Variants in TERB1 observed in about 807,000 individuals in gnomAD.
TERB1 encodes telomere repeat binding bouquet formation protein 1, also known as telomere repeats-binding bouquet formation protein 1.
In TERB1, 63 loss-of-function variants were observed where a neutral mutation model predicts 92.3. The ratio of observed to expected loss-of-function variants is 0.68; its 90% CI spans 0.56 to 0.84. The LOEUF is 0.84. Among genes scored for constraint, TERB1 ranks in the 40% least tolerant of loss-of-function variants. The probability of loss-of-function intolerance (pLI) is 0.00; values close to 1 mark genes in which losing one functional copy is unlikely to be tolerated. For missense variants in TERB1, 709 were observed against 843.7 expected, an observed-to-expected ratio of 0.84 and a Z score of 1.98; for synonymous variants, 252 against 283.9, an observed-to-expected ratio of 0.89 and a Z score of 1.13.
At chr16:66,757,071 T>TA (rs993967383) in intron 18 of TERB1, among the ~76,000 whole-genome samples, 2 of 151,986 alleles carry the variant, frequency 1.3e-5, no homozygotes, top group African/African-American at 2.4e-5. Context: ...GTGAGTATCC[T>TA]AAAAAAAGGT....
intron 9 of TERB1, among the ~76,000 whole-genome samples, chr16:66,781,721 C>T (rs1447056514): frequency 6.6e-6 from 1 of 151,966 alleles, no homozygotes; most frequent in Non-Finnish European, 1.5e-5. Context: ...GGGGTTTCAC[C>T]GTGTTAGCCA....
At chr16:66,794,754 C>CA (rs1343059255) in intron 3 of TERB1, among the ~76,000 whole-genome samples, 1 of 151,850 alleles carries the variant, frequency 6.6e-6, no homozygotes, top group Non-Finnish European at 1.5e-5. Flanking sequence ...ACTAAAAATA[C>CA]AAAAAATTAG....
chr16:66,754,788 C>A lies in TERB1; in HGVS notation c.*188G>T, dbSNP rs1295545106. 1.7e-6 allele frequency: 1 copy of A among 588,654 alleles called. No individual in the cohort carries two copies. Among genetic ancestry groups the A allele is most frequent in the East Asian group, 2.9e-5 (1 of 35,040 alleles). 36.5% of individuals were successfully genotyped at this position (588,654 alleles called of 1,614,324 possible). A position where few individuals can be genotyped will look rare whatever the true frequency, so the allele number is the denominator to read the frequency against. ...AGGAATTTTCTTACTAATCTGTACA[C>A]TGATGATATATTTGCTTTATAAATC... On this transcript the variant is annotated 3_prime_UTR_variant, in exon 19 of 19. Coordinates refer to ENST00000433154, the MANE Select transcript of TERB1 (RefSeq NM_001136505.2).
At chr16:66,785,341 C>A (rs1212794656) in intron 9 of TERB1, among the ~76,000 whole-genome samples, 4 of 152,114 alleles carry the variant, frequency 2.6e-5, no homozygotes, top group Admixed American at 6.6e-5. Flanking sequence ...CCATGCCTGG[C>A]CTAATGTTGT....
chr16:66,758,616 C>A, intron 18 of TERB1, 157 bp downstream of exon 18: 3 of 526,072 alleles, frequency 5.7e-6, no homozygotes, highest in Non-Finnish European at 6.7e-6. Context: ...TGGCACATGT[C>A]TGTAATCCCA....
chr16:66,781,899 C>T lies in TERB1; in HGVS notation c.701-2884G>A, dbSNP rs529991446. 4.6e-5 allele frequency among the ~76,000 whole-genome samples: 7 copies of T among 152,222 alleles called. No homozygotes were observed. In the South Asian group the frequency reaches 1.0e-3, roughly 23 times the overall value. The stretch of plus-strand genomic sequence containing the variant: ...CTTTCATCCTCATAGCAAGCTCTTC[C>T]GAAGAGCAAAATTATTTCAATGGAG... On this transcript the variant is annotated intron_variant, in intron 9 of 18. Coordinates refer to ENST00000433154, the MANE Select transcript of TERB1 (RefSeq NM_001136505.2).
In TERB1 at chr16:66,774,451, C is replaced by G. The variant is rs568132020; in HGVS notation, c.1111+667G>C. 1.4e-4 allele frequency among the ~76,000 whole-genome samples: 21 copies of G among 152,252 alleles called. No individual in the cohort carries two copies. In the East Asian group the frequency reaches 3.7e-3, roughly 27 times the overall value. On this transcript the variant is annotated intron_variant, in intron 12 of 18. Coordinates refer to ENST00000433154, the MANE Select transcript of TERB1 (RefSeq NM_001136505.2). Reference sequence around the variant, plus strand: ...CCGCCTGCCTCGGCCTCCCAAAGTGCTGGGATTACAGGCGTGAGCCACCGC... The same window carrying G: ...CCGCCTGCCTCGGCCTCCCAAAGTGGTGGGATTACAGGCGTGAGCCACCGC...
chr16:66,768,535 G>T (rs2018388642), intron 14 of TERB1, among the ~76,000 whole-genome samples: 1 of 152,172 alleles, frequency 6.6e-6, no homozygotes, highest in Non-Finnish European at 1.5e-5. Context: ...ATCATTTAAA[G>T]ACCTGAATTT....
intron 13 of TERB1, among the ~76,000 whole-genome samples, chr16:66,770,979 T>C (rs949690607): frequency 1.3e-5 from 2 of 152,112 alleles, no homozygotes; most frequent in African/African-American, 2.4e-5. Context: ...CCCTCCTGAG[T>C]AGCTGGGACC....
chr16:66,792,319 A>G (rs1004969834), intron 3 of TERB1, among the ~76,000 whole-genome samples: 9 of 152,194 alleles, frequency 5.9e-5, no homozygotes, highest in Admixed American at 1.3e-4. Context: ...AGCAAACATC[A>G]TACTTAACAG....
At chr16:66,791,164 T>C (rs1476690739) in intron 3 of TERB1, 145 bp from the exon 4 acceptor site, 2 of 466,404 alleles carry the variant, frequency 4.3e-6, no homozygotes, top group Non-Finnish European at 3.8e-6. Context: ...CCAACAACCA[T>C]GTATTTTTTT....
At chr16:66,767,369 TA>T in intron 16 of TERB1, 45 bp downstream of exon 16, 2 of 1,097,880 alleles carry the variant, frequency 1.8e-6, no homozygotes, top group African/African-American at 1.6e-5. Flanking sequence ...GTTAATATCA[TA>T]AAAGGCTTTG....
chr16:66,761,029 T>A, intron 16 of TERB1, among the ~76,000 whole-genome samples: 1 of 143,942 alleles, frequency 6.9e-6, no homozygotes, highest in East Asian at 2.0e-4. Flanking sequence ...GGAGAATCGC[T>A]TGAACCCGCC....
rs1260030471 is a variant in TERB1, at chr16:66,786,271, G to A, written c.415C>T (p.Leu139Phe). 16 of 1,548,340 alleles carry A rather than the reference G, an allele frequency of 1.0e-5. No individual in the cohort carries two copies. The highest frequency in any genetic ancestry group is 5.9e-5 in the Admixed American group (3 of 50,746). ...LVSNNRTGQT[L>F]VRETGCITVL... is the part of the protein sequence containing the mutation. Reference sequence around the variant, plus strand: ...GTAATACAACCTGTTTCTCTCACAAGTGTTTGTCCGGTCCCTTAAAAAAAT... The same window carrying A: ...GTAATACAACCTGTTTCTCTCACAAATGTTTGTCCGGTCCCTTAAAAAAAT... The change falls in exon 7 of 19, where the codon CTT becomes TTT. Residue 139 changes from leucine (L) to phenylalanine (F), a missense_variant. Leu to Phe is a conservative substitution (Grantham distance 22). Coordinates refer to ENST00000433154, the MANE Select transcript of TERB1 (RefSeq NM_001136505.2).
chr16:66,801,618 GTCCGTGGGCGGGACTTCCGGCCGGC>G (rs1555510413), upstream of TERB1: 2 of 152,234 alleles, frequency 1.3e-5, no homozygotes, highest in Non-Finnish European at 2.9e-5. Context: ...CCAGGCTCAC[GTCCGTGGGCGGGACTTCCGGCCGGC>G]AGCCCCGCCG....
intron 4 of TERB1, 53 bp from the exon 5 acceptor site, chr16:66,790,776 A>G (rs1215676919): frequency 6.6e-7 from 1 of 1,517,562 alleles, no homozygotes; most frequent in Admixed American, 2.0e-5. Context: ...ATTTTCAGGG[A>G]TAAAATAAAT....
chr16:66,799,181 T>A (rs190463123), intron 2 of TERB1, among the ~76,000 whole-genome samples: 177 of 152,328 alleles, frequency 1.2e-3, no homozygotes, highest in Non-Finnish European at 1.9e-3. Flanking sequence ...ATTTTAATTA[T>A]CCAATCTATT....
intron 9 of TERB1, among the ~76,000 whole-genome samples, chr16:66,783,650 G>A (rs1240764612): frequency 6.6e-6 from 1 of 152,184 alleles, no homozygotes; most frequent in Non-Finnish European, 1.5e-5. Flanking sequence ...TTCCTGAAAT[G>A]TTTAGCAGAA....
chr16:66,759,797 C>CA (rs762588462), intron 16 of TERB1, among the ~76,000 whole-genome samples: 1,393 of 29,380 alleles, frequency 0.047, 31 homozygotes, highest in African/African-American at 0.073. Flanking sequence ...GACTCTGTCT[C>CA]AAAAAAAAAA....
Sources: gnomAD v4.1 joint callset for allele counts (sites outside exome capture counted in the v4.1 genomes callset) on GRCh38, gnomAD v4.1.1 for gene constraint, MANE v1.5 for transcripts, NCBI Gene and HGNC (gene_info 2026-07-23, HGNC 2026-07-21) for gene names.